Variants in ERCC4 observed in about 807,000 individuals in gnomAD.
ERCC4 encodes the protein ERCC excision repair 4, endonuclease catalytic subunit.
In ERCC4, 65 loss-of-function variants were observed where a neutral mutation model predicts 76.9. The ratio of observed to expected loss-of-function variants is 0.84; its 90% CI spans 0.69 to 1.04. The LOEUF (loss-of-function observed/expected upper bound fraction) is 1.04, where lower values mean the gene tolerates loss of function less well. ERCC4 is among the 50% of genes least tolerant of loss of function. The pLI is 0.00. For missense variants in ERCC4, 1,214 were observed against 1,128.2 expected (o/e 1.08, Z -1.09); for synonymous variants, 463 against 410.1 (o/e 1.13, Z -1.56).
Position 13,947,596 on chromosome 16 carries a change from C to G in ERCC4, c.2018-18C>G, listed in dbSNP as rs539818239. ...TGAGAGTTCTTCCCCAGTGACATTA[C>G]TTACTTTTTCTCTGTAGGTGGCCAG... On this transcript the variant is annotated intron_variant, in intron 10 of 10. Coordinates refer to ENST00000311895, the MANE Select transcript of ERCC4 (RefSeq NM_005236.3). 1.2e-4 allele frequency: 194 copies of G among 1,613,938 alleles called. 1 individual carries two copies. The South Asian group carries it at 2.0e-3, about 16-fold the overall frequency.
intron 9 of ERCC4, among the ~76,000 whole-genome samples, chr16:13,942,553 C>T (rs894814934): frequency 1.3e-5 from 2 of 152,176 alleles, no homozygotes; most frequent in South Asian, 4.1e-4. Flanking sequence ...CTGTTCTGAG[C>T]GCCTTGCATA....
At chr16:13,933,858 A>C (rs1358464394) in intron 6 of ERCC4, 1 of 197,032 alleles carries the variant, frequency 5.1e-6, no homozygotes, top group Non-Finnish European at 1.0e-5. Context: ...GAAATAGTAA[A>C]TACTGTCATT....
In ERCC4 at chr16:13,947,840, G is replaced by A; in HGVS notation, c.2244G>A (p.Met748Ile). 6.2e-7 allele frequency: 1 copy of A among 1,614,142 alleles called. No homozygotes were observed. Among genetic ancestry groups the A allele is most frequent in the Non-Finnish European group, 8.5e-7 (1 of 1,180,042 alleles). ...GCCTCTACAGCCAGTGCATCTCCAT[G>A]TCCCGCTACTACAAGCGTCCCGTGC... ...NGRLYSQCIS[M>I]SRYYKRPVLL... Residue 748 changes from methionine (M) to isoleucine (I), a missense_variant, in exon 11 of 11, where the codon ATG becomes ATA. Coordinates refer to ENST00000311895, the MANE Select transcript of ERCC4 (RefSeq NM_005236.3).
chr16:13,926,507 T>A (rs2032073892), intron 2 of ERCC4, 54 bp from the exon 3 acceptor site: 2 of 1,472,396 alleles, frequency 1.4e-6, no homozygotes, highest in East Asian at 2.3e-5. Flanking sequence ...ATGTGATGAA[T>A]GAATGGCAAT....
rs765253522 is a variant in ERCC4, at chr16:13,948,070, C to G, written c.2474C>G (p.Ala825Gly). Residue 825 changes from alanine (A) to glycine (G), a missense_variant, in exon 11 of 11, where the codon GCG (alanine) becomes GGG (glycine). Ala to Gly is a moderately conservative substitution (Grantham distance 60). Coordinates refer to ENST00000311895, the MANE Select transcript of ERCC4 (RefSeq NM_005236.3). ...AAACAAAGCAAGCCACAGCCTGATGCGGCGACAGCACTGGCCATTACAGCA... is the reference window on the plus strand; with the variant it reads ...AAACAAAGCAAGCCACAGCCTGATGGGGCGACAGCACTGGCCATTACAGCA... The part of the protein sequence containing the change: ...ELKQSKPQPD[A>G]ATALAITADS... The G allele has an allele frequency of 1.1e-5, 18 of 1,614,150 alleles. No homozygotes were observed. The South Asian group carries it at 1.6e-4, about 15-fold the overall frequency.
rs908295786 is a variant in ERCC4 at position 13,928,186 on chromosome 16, A to C, written c.743A>C (p.Glu248Ala). The change falls in exon 4 of 11, where the codon GAA becomes GCA. Residue 248 changes from glutamate to alanine, a missense_variant. By Grantham distance (107) the Glu-to-Ala change is moderately radical (BLOSUM62 -1). Transcript: ENST00000311895. ...KELKCHNPSL[E>A]VEDLSLENAI... ...CTAAAATGCCATAACCCATCGCTTG[A>C]AGTGGAAGATTTATCTTTAGAAAAT... 6.2e-7 allele frequency: 1 copy of C among 1,613,678 alleles called. No individual in the cohort carries two copies. The highest frequency in any genetic ancestry group is 1.7e-5 in the Admixed American group (1 of 60,002).
chr16:13,947,347 T>C (rs2032533509), intron 10 of ERCC4, among the ~76,000 whole-genome samples: 1 of 152,204 alleles, frequency 6.6e-6, no homozygotes, highest in African/African-American at 2.4e-5. Flanking sequence ...GGGGAGACCT[T>C]AGCAGGTATG....
rs777015670 is a variant in ERCC4, at chr16:13,950,792, T to A, written c.*2445T>A. On this transcript the variant is annotated 3_prime_UTR_variant, in exon 11 of 11. Transcript: ENST00000311895. ...AGGAACATCTTCCCATAGCATATTC[T>A]ATGAAAGGGGTTTCATTCCAAGTTG... The A allele has an allele frequency of 5.2e-6, 1 of 193,952 alleles. No homozygotes were observed. Among genetic ancestry groups the A allele is most frequent in the Non-Finnish European group, 1.1e-5 (1 of 93,078 alleles). 12.0% of individuals were successfully genotyped at this position (193,952 alleles called of 1,614,324 possible).
intron 10 of ERCC4, among the ~76,000 whole-genome samples, chr16:13,945,769 G>A (rs1204064097): frequency 6.6e-6 from 1 of 152,126 alleles, no homozygotes; most frequent in Non-Finnish European, 1.5e-5. Flanking sequence ...TATCAACCAG[G>A]TTGTTGACAT....
At chr16:13,947,560 T>C (rs951675693) in intron 10 of ERCC4, 54 bp from the exon 11 acceptor site, 7 of 1,594,014 alleles carry the variant, frequency 4.4e-6, no homozygotes, top group South Asian at 1.1e-5. Flanking sequence ...GATTTTGTTA[T>C]ATTCCTTCTT....
At position 13,926,721 on chromosome 16, in the gene ERCC4, A is replaced by G; in HGVS notation, c.549A>G (p.Arg183=). 2 of 1,613,994 alleles carry G rather than the reference A, an allele frequency of 1.2e-6. No homozygotes were observed. Among genetic ancestry groups the G allele is most frequent in the Non-Finnish European group, 8.5e-7 (1 of 1,179,934 alleles). Residue 183 remains arginine (R), a synonymous_variant, in exon 3 of 11, where the codon AGA becomes AGG. Coordinates refer to ENST00000311895, the MANE Select transcript of ERCC4 (RefSeq NM_005236.3). ...TGFCHVERVM[R]NLFVRKLYLW... ...TTTGTCATGTGGAAAGAGTGATGAG[A>G]AATCTTTTTGTGAGGAAACTGTATC...
intron 8 of ERCC4, among the ~76,000 whole-genome samples, chr16:13,937,356 C>T (rs550350629): frequency 4.6e-5 from 7 of 152,078 alleles, no homozygotes; most frequent in Admixed American, 1.3e-4. Context: ...TTAAAAAAAA[C>T]GTTCATAGGC....
At position 13,935,181 on chromosome 16, in the gene ERCC4, T is replaced by C. The variant is rs2032258267; in HGVS notation, c.1249T>C (p.Cys417Arg). The C allele has an allele frequency of 6.2e-7, 1 of 1,614,118 alleles. No homozygotes were observed. Among genetic ancestry groups the C allele is most frequent in the Non-Finnish European group, 8.5e-7 (1 of 1,179,984 alleles). The part of the protein sequence containing the change: ...VLICASDDRT[C>R]SQLRDYITLG... ...GATTTGTGCAAGTGATGACCGAACA[T>C]GTTCCCAGCTGAGAGACTATATCAC... is the stretch of plus-strand genomic sequence containing the variant. Residue 417 changes from cysteine (C) to arginine (R), a missense_variant, in exon 8 of 11, where the codon TGT (cysteine) becomes CGT (arginine). Cys to Arg is a radical substitution (Grantham distance 180). Transcript: ENST00000311895.
At chr16:13,932,028 TG>T in intron 5 of ERCC4, 128 bp from the exon 6 acceptor site, 1 of 817,058 alleles carries the variant, frequency 1.2e-6, no homozygotes, top group Non-Finnish European at 2.1e-6. Flanking sequence ...ATCACAGTAG[TG>T]GGAGGCGGTG....
chr16:13,941,229 A>T (rs928893638), intron 9 of ERCC4, among the ~76,000 whole-genome samples: 1 of 152,204 alleles, frequency 6.6e-6, no homozygotes, highest in African/African-American at 2.4e-5. Context: ...AGGTTTTAAC[A>T]TAATTTTATC....
chr16:13,926,737 A>T lies in ERCC4; in HGVS notation c.565A>T (p.Lys189Ter). The change falls in exon 3 of 11, where the codon AAA becomes TAA. Residue 189 changes from lysine to a stop codon, truncating the protein, a stop_gained. Coordinates refer to ENST00000311895, the MANE Select transcript of ERCC4 (RefSeq NM_005236.3). LOFTEE classifies it high-confidence loss of function. Reference protein sequence around the residue: ...ERVMRNLFVRKLYLWPRFHVA... With the variant: ...ERVMRNLFVR ...AGTGATGAGAAATCTTTTTGTGAGG[A>T]AACTGTATCTGTGGCCAAGGTAAAG... The T allele has an allele frequency of 3.7e-6, 6 of 1,613,558 alleles. No individual in the cohort carries two copies. The highest frequency in any genetic ancestry group is 5.1e-6 in the Non-Finnish European group (6 of 1,179,542).
At chr16:13,926,212 C>T (rs2032069523) in intron 2 of ERCC4, among the ~76,000 whole-genome samples, 1 of 152,176 alleles carries the variant, frequency 6.6e-6, no homozygotes, top group Non-Finnish European at 1.5e-5. Context: ...CCTCACTGTC[C>T]CCTCAGCCTG....
chr16:13,942,815 G>A lies in ERCC4; in HGVS notation c.1905-1908G>A. 1.3e-5 allele frequency among the ~76,000 whole-genome samples: 2 copies of A among 152,214 alleles called. 1 individual carries two copies. Among genetic ancestry groups the A allele is most frequent in the Non-Finnish European group, 2.9e-5 (2 of 68,024 alleles). ...ATATACAGCTTAGCCAGTGTAACAAGTAGAAACAAAGTGGGGGACACAACA... is the reference window on the plus strand; with the variant it reads ...ATATACAGCTTAGCCAGTGTAACAAATAGAAACAAAGTGGGGGACACAACA... On this transcript the variant is annotated intron_variant, in intron 9 of 10. Coordinates refer to ENST00000311895, the MANE Select transcript of ERCC4 (RefSeq NM_005236.3).
chr16:13,924,906 A>AACT (rs770925719), intron 2 of ERCC4, among the ~76,000 whole-genome samples: 5 of 152,214 alleles, frequency 3.3e-5, no homozygotes, highest in Non-Finnish European at 5.9e-5. Context: ...GAACAAAAAA[A>AACT]ACTAAAGTAG....
Sources: allele counts gnomAD v4.1 joint callset (sites outside exome capture counted in the v4.1 genomes callset), GRCh38; gene constraint gnomAD v4.1.1; transcripts MANE v1.5; gene names NCBI Gene and HGNC (gene_info 2026-07-23, HGNC 2026-07-21).